MLLT10: variants seen among roughly 807,000 people sequenced by gnomAD.
MLLT10 encodes protein AF-10.
A neutral mutation model predicts 129.1 loss-of-function variants in MLLT10; 30 were observed. The observed-to-expected ratio is 0.23, with a 90% CI of 0.17 to 0.32. MLLT10 has a LOEUF of 0.32. Among genes scored for constraint, MLLT10 ranks in the 10% least tolerant of loss-of-function variants. The pLI is 1.00. For missense variants in MLLT10, 1,119 were observed against 1,268.3 expected (o/e 0.88, Z 1.79); for synonymous variants, 490 against 446.4 (o/e 1.10, Z -1.23).
intron 8 of MLLT10, among the ~76,000 whole-genome samples, chr10:21,619,144 C>T (rs1030045615): frequency 9.9e-5 from 15 of 151,684 alleles, no homozygotes; most frequent in Admixed American, 2.0e-4. Flanking sequence ...TATAAAGTGA[C>T]GGTAGTAGGA....
chr10:21,559,585 A>C lies in MLLT10; in HGVS notation c.240+20673A>C, dbSNP rs1225504413. On this transcript the variant is annotated intron_variant, in intron 3 of 22. Coordinates refer to ENST00000307729, the MANE Select transcript of MLLT10 (RefSeq NM_001195626.3). ...AGTATATATTTCCAGAACTAATTCCAAAGAGAAATTCTGTACCTTGTAAGC... is the reference window on the plus strand; with the variant it reads ...AGTATATATTTCCAGAACTAATTCCCAAGAGAAATTCTGTACCTTGTAAGC... Among the ~76,000 whole-genome samples, 23 of 152,214 alleles carry C rather than the reference A, an allele frequency of 1.5e-4. 2 individuals carry two copies. Among genetic ancestry groups the C allele is most frequent in the Admixed American group, 1.5e-3 (23 of 15,278 alleles).
At chr10:21,630,531 A>G (rs2046899889) in intron 8 of MLLT10, among the ~76,000 whole-genome samples, 2 of 152,292 alleles carry the variant, frequency 1.3e-5, no homozygotes, top group South Asian at 4.1e-4. Flanking sequence ...TGTTGTTTAT[A>G]TAGCAAGCAA....
chr10:21,626,195 A>C (rs2046416612), intron 8 of MLLT10: 1 of 1,604,312 alleles, frequency 6.2e-7, no homozygotes, highest in African/African-American at 1.3e-5. Flanking sequence ...ACTTTCCTTG[A>C]ACTGCTGTAG....
chr10:21,554,267 C>G (rs1266075709), intron 3 of MLLT10, among the ~76,000 whole-genome samples: 1 of 152,104 alleles, frequency 6.6e-6, no homozygotes, highest in Non-Finnish European at 1.5e-5. Flanking sequence ...AGTTCTTTAA[C>G]TCTTTTTACT....
rs757923323 is a variant in MLLT10 at position 21,733,103 on chromosome 10, T to C, written c.2407+16T>C. 23 of 1,577,428 alleles carry C rather than the reference T, an allele frequency of 1.5e-5. No individual in the cohort carries two copies. The South Asian group carries it at 2.6e-4, about 18-fold the overall frequency. ...GCACAGACTGGTAAGTGTGAAAATA[T>C]TTATTTTGTATCTAAGGAAAATAGG... On this transcript the variant is annotated intron_variant, in intron 18 of 22. Coordinates refer to ENST00000307729, the MANE Select transcript of MLLT10 (RefSeq NM_001195626.3).
chr10:21,687,902 G>GAAAGA (rs1226276150), intron 13 of MLLT10, among the ~76,000 whole-genome samples: 1 of 152,174 alleles, frequency 6.6e-6, no homozygotes, highest in African/African-American at 2.4e-5. Flanking sequence ...GCCTGTGTAG[G>GAAAGA]AAAGAATTTG....
intron 3 of MLLT10, among the ~76,000 whole-genome samples, chr10:21,540,205 A>G (rs1446763434): frequency 6.6e-6 from 1 of 152,152 alleles, no homozygotes; most frequent in Non-Finnish European, 1.5e-5. Context: ...AGCCTGGCCG[A>G]CATGGTGAAA....
Position 21,708,519 on chromosome 10 carries a change from C to T in MLLT10, c.1700-5253C>T, listed in dbSNP as rs1273198477. On this transcript the variant is annotated intron_variant, in intron 13 of 22. Transcript: ENST00000307729. ...TCAAAGAAAGATTTAGAATTTTAAG[C>T]TTTCCTGCCTTGATAGGAAAGGAAC... 7 of 946,674 alleles carry T rather than the reference C, an allele frequency of 7.4e-6. No individual in the cohort carries two copies. In the African/African-American group the frequency reaches 1.1e-4, roughly 14 times the overall value. The allele number at this position is 946,674 out of a possible 1,614,324, so 58.6% of individuals were successfully genotyped here.
intron 13 of MLLT10, among the ~76,000 whole-genome samples, chr10:21,704,369 A>G: frequency 7.0e-6 from 1 of 143,746 alleles, no homozygotes; most frequent in South Asian, 2.2e-4. Context: ...ATATATATAT[A>G]TATATATATA....
chr10:21,542,086 G>A (rs2035271134), intron 3 of MLLT10, among the ~76,000 whole-genome samples: 2 of 152,302 alleles, frequency 1.3e-5, no homozygotes, highest in African/African-American at 4.8e-5. Context: ...TCCTGGGGGT[G>A]TCACAGTAGA....
chr10:21,713,989 G>T (rs370140908), intron 14 of MLLT10, 39 bp downstream of exon 14: 2 of 1,536,992 alleles, frequency 1.3e-6, no homozygotes, highest in Non-Finnish European at 1.8e-6. Context: ...TAATAGGTGG[G>T]TTTCTCATTT....
chr10:21,676,212 G>A (rs1323589272), intron 11 of MLLT10, among the ~76,000 whole-genome samples: 1 of 151,062 alleles, frequency 6.6e-6, no homozygotes, highest in African/African-American at 2.4e-5. Flanking sequence ...GGTGGATCAC[G>A]AGGTCAGGAG....
chr10:21,541,026 G>A (rs2035054330), intron 3 of MLLT10, among the ~76,000 whole-genome samples: 1 of 152,060 alleles, frequency 6.6e-6, no homozygotes, highest in African/African-American at 2.4e-5. Context: ...TGGGTGTGGT[G>A]GTGTGCACCT....
chr10:21,692,390 A>T (rs114427794), intron 13 of MLLT10, among the ~76,000 whole-genome samples: 1 of 151,892 alleles, frequency 6.6e-6, no homozygotes, highest in East Asian at 1.9e-4. Flanking sequence ...GACTGGTTTC[A>T]AATCCCTGGC....
intron 3 of MLLT10, among the ~76,000 whole-genome samples, chr10:21,549,788 G>A (rs2036688338): frequency 6.6e-6 from 1 of 151,394 alleles, no homozygotes; most frequent in South Asian, 2.1e-4. Flanking sequence ...ACAGGTGTGT[G>A]CCACTATGCC....
chr10:21,731,176 A>C (rs1321668709), intron 17 of MLLT10, 122 bp downstream of exon 17: 9 of 901,038 alleles, frequency 1.0e-5, no homozygotes, highest in Non-Finnish European at 1.5e-5. Context: ...CATTTTATAT[A>C]ATACAGTGAG....
At chr10:21,614,225 CA>C (rs34546142) in intron 6 of MLLT10, among the ~76,000 whole-genome samples, 54,397 of 82,758 alleles carry the variant, frequency 0.66, 15,007 homozygotes, top group South Asian at 0.77. Context: ...TTTTTTTTTT[CA>C]AAAAAAAAAA....
intron 3 of MLLT10, among the ~76,000 whole-genome samples, chr10:21,540,656 T>G (rs2034987164): frequency 6.6e-6 from 1 of 152,238 alleles, no homozygotes; most frequent in African/African-American, 2.4e-5. Flanking sequence ...TATGCAAACC[T>G]ACCATTTAAA....
intron 9 of MLLT10, among the ~76,000 whole-genome samples, chr10:21,658,822 C>A (rs867395962): frequency 2.1e-4 from 32 of 152,216 alleles, no homozygotes; most frequent in Middle Eastern, 3.4e-3. Context: ...TACCACCATG[C>A]CCGGCTAATT....
Sources: gnomAD v4.1 joint callset for allele counts (sites outside exome capture counted in the v4.1 genomes callset) on GRCh38, gnomAD v4.1.1 for gene constraint, MANE v1.5 for transcripts, NCBI Gene and HGNC (gene_info 2026-07-23, HGNC 2026-07-21) for gene names.